Variants in MIPOL1 observed in about 807,000 individuals in gnomAD.
MIPOL1 encodes the protein mirror-image polydactyly gene 1 protein.
In MIPOL1, 57 loss-of-function variants were observed where a neutral mutation model predicts 60.9. That is an observed-to-expected ratio of 0.94 (90% CI 0.76 to 1.17). The LOEUF is 1.17. Ranked by LOEUF, MIPOL1 falls within the 50% of genes most tolerant of loss-of-function variation. The pLI, the probability that MIPOL1 is intolerant of heterozygous loss-of-function variation, is 0.00. For synonymous variants in MIPOL1, 179 were observed against 168.8 expected (o/e 1.06, Z -0.47); for missense variants, 551 against 511.6 (o/e 1.08, Z -0.74).
At chr14:37,393,336 A>AT (rs907188949) in intron 10 of MIPOL1, among the ~76,000 whole-genome samples, 1 of 141,004 alleles carries the variant, frequency 7.1e-6, no homozygotes, top group South Asian at 2.2e-4. Context: ...TTCTGGTAAC[A>AT]TTTTTTTGAG....
chr14:37,379,044 G>A (rs992326626), intron 10 of MIPOL1, among the ~76,000 whole-genome samples: 6 of 151,926 alleles, frequency 3.9e-5, no homozygotes, highest in East Asian at 1.9e-4. Flanking sequence ...GATGACTCAC[G>A]GGTCTTGATG....
rs567372928 is a variant in MIPOL1, at chr14:37,239,525, TA to T, written c.-198-7570del. Among the ~76,000 whole-genome samples, 10 of 151,978 alleles carry T rather than the reference TA, an allele frequency of 6.6e-5. No individual in the cohort carries two copies. In the South Asian group the frequency reaches 1.0e-3, roughly 16 times the overall value. ...TGGATCCTAAGAAACTATAATGTGG[TA>T]AAAAAAAGAGTACAACACTTACATA... On this transcript the variant is annotated intron_variant, in intron 1 of 12. Coordinates refer to ENST00000684589, the MANE Select transcript of MIPOL1 (RefSeq NM_001388067.1).
intron 5 of MIPOL1, 47 bp downstream of exon 5, chr14:37,268,840 T>A (rs2083076414): frequency 7.3e-7 from 1 of 1,371,456 alleles, no homozygotes; most frequent in Non-Finnish European, 9.7e-7. Context: ...GTTTAGCTGT[T>A]GATCTTCTAA....
intron 9 of MIPOL1, among the ~76,000 whole-genome samples, chr14:37,367,513 A>G (rs920525114): frequency 1.3e-5 from 2 of 152,048 alleles, no homozygotes; most frequent in South Asian, 2.1e-4. Context: ...TGGTCACACA[A>G]CTCTTGACCA....
At chr14:37,328,406 A>G (rs2089379406) in intron 9 of MIPOL1, among the ~76,000 whole-genome samples, 1 of 152,114 alleles carries the variant, frequency 6.6e-6, no homozygotes. Flanking sequence ...CAAATCAGTC[A>G]AACTAGCTGT....
intron 12 of MIPOL1, chr14:37,506,269 A>T (rs544855455): frequency 1.3e-5 from 2 of 152,240 alleles, no homozygotes; most frequent in Non-Finnish European, 2.9e-5. Context: ...TTCATATGGA[A>T]CCAAAAAAGA....
chr14:37,427,726 C>T (rs1234413539), intron 11 of MIPOL1, among the ~76,000 whole-genome samples: 1 of 152,092 alleles, frequency 6.6e-6, no homozygotes, highest in Non-Finnish European at 1.5e-5. Context: ...CTTAAGTTTC[C>T]TGCAAGCTCA....
chr14:37,311,163 GC>G (rs547907247), intron 9 of MIPOL1, among the ~76,000 whole-genome samples: 6 of 152,122 alleles, frequency 3.9e-5, no homozygotes, highest in Non-Finnish European at 8.8e-5. Context: ...AGACACTCAA[GC>G]CATTATTGCA....
intron 10 of MIPOL1, among the ~76,000 whole-genome samples, chr14:37,415,404 C>T (rs1042419044): frequency 6.6e-6 from 1 of 151,748 alleles, no homozygotes; most frequent in Admixed American, 6.6e-5. Flanking sequence ...AGGCGGATCA[C>T]GAGGTCAGGA....
At chr14:37,527,210 T>C (rs1224120111) in intron 12 of MIPOL1, among the ~76,000 whole-genome samples, 1 of 152,022 alleles carries the variant, frequency 6.6e-6, no homozygotes, top group African/African-American at 2.4e-5. Context: ...CTGTTTGAAA[T>C]TTTGCATGTT....
chr14:37,454,543 A>G (rs1180081972), intron 11 of MIPOL1, among the ~76,000 whole-genome samples: 1 of 152,224 alleles, frequency 6.6e-6, no homozygotes, highest in Non-Finnish European at 1.5e-5. Flanking sequence ...TCATAGTGAT[A>G]TTGAATGAAA....
intron 1 of MIPOL1, among the ~76,000 whole-genome samples, chr14:37,226,829 T>C (rs574358030): frequency 6.6e-6 from 1 of 152,202 alleles, no homozygotes; most frequent in African/African-American, 2.4e-5. Context: ...GTGTTTTACC[T>C]TTCAGCTAAC....
At chr14:37,364,718 T>G (rs1040986735) in intron 9 of MIPOL1, among the ~76,000 whole-genome samples, 2 of 152,196 alleles carry the variant, frequency 1.3e-5, no homozygotes, top group Non-Finnish European at 2.9e-5. Context: ...TCTCTTCTGG[T>G]TCCATATACA....
At chr14:37,260,574 CAGAA>C (rs1387435637) in intron 3 of MIPOL1, among the ~76,000 whole-genome samples, 1 of 152,054 alleles carries the variant, frequency 6.6e-6, no homozygotes, top group Non-Finnish European at 1.5e-5. Flanking sequence ...ACACATGAAA[CAGAA>C]AGATTATCTT....
At chr14:37,415,067 C>T (rs1478821603) in intron 10 of MIPOL1, among the ~76,000 whole-genome samples, 1 of 151,990 alleles carries the variant, frequency 6.6e-6, no homozygotes, top group African/African-American at 2.4e-5. Context: ...ATTATTATTC[C>T]TTAAAAATAA....
At chr14:37,354,104 G>T (rs1332941960) in intron 9 of MIPOL1, among the ~76,000 whole-genome samples, 8 of 150,122 alleles carry the variant, frequency 5.3e-5, no homozygotes, top group South Asian at 2.1e-4. Flanking sequence ...CTGGTATGTT[G>T]TGTCTTTGTT....
At chr14:37,291,104 T>C (rs1203529333) in intron 7 of MIPOL1, among the ~76,000 whole-genome samples, 2 of 152,196 alleles carry the variant, frequency 1.3e-5, no homozygotes, top group South Asian at 2.1e-4. Context: ...AAAGAGGTTT[T>C]TTTGTAGAGA....
intron 9 of MIPOL1, among the ~76,000 whole-genome samples, chr14:37,327,845 G>A (rs2089314542): frequency 6.6e-6 from 1 of 152,118 alleles, no homozygotes; most frequent in South Asian, 2.1e-4. Flanking sequence ...TGTGATTTAA[G>A]AGCAAGAATT....
chr14:37,397,658 A>G (rs1189242689), intron 10 of MIPOL1, among the ~76,000 whole-genome samples: 1 of 151,932 alleles, frequency 6.6e-6, no homozygotes, highest in Non-Finnish European at 1.5e-5. Flanking sequence ...CTCCTTGGGT[A>G]GGGGATCAGG....
Sources: gnomAD v4.1 joint callset for allele counts (sites outside exome capture counted in the v4.1 genomes callset) on GRCh38, gnomAD v4.1.1 for gene constraint, MANE v1.5 for transcripts, NCBI Gene and HGNC (gene_info 2026-07-23, HGNC 2026-07-21) for gene names.